The following TOM1L2 variants were observed in gnomAD, a reference collection of about 807,000 sequenced individuals.
TOM1L2 encodes target of myb1 like 2 membrane trafficking protein.
In TOM1L2, 31 loss-of-function variants were observed where a neutral mutation model predicts 67.9. That is an observed-to-expected ratio of 0.46 (90% CI 0.34 to 0.62). The LOEUF (loss-of-function observed/expected upper bound fraction) is 0.62, where lower values mean the gene tolerates loss of function less well. TOM1L2 is among the 20% of genes least tolerant of loss of function. The pLI is 0.01. For synonymous variants in TOM1L2, 256 were observed against 254.0 expected (o/e 1.01, Z -0.07); for missense variants, 606 against 663.5 (o/e 0.91, Z 0.95).
Position 17,871,460 on chromosome 17 carries a change from A to T in TOM1L2, c.778-1987T>A, listed in dbSNP as rs554698449. On this transcript the variant is annotated intron_variant, in intron 7 of 14. Transcript: ENST00000379504. Reference sequence around the variant, plus strand: ...CGAGGCAGGCGGATCACTTGAGGTCAGGAGTTTGAGACCAGCTTGGCCAAC... The same window carrying T: ...CGAGGCAGGCGGATCACTTGAGGTCTGGAGTTTGAGACCAGCTTGGCCAAC... Among the ~76,000 whole-genome samples, 26 of 152,230 alleles carry T rather than the reference A, an allele frequency of 1.7e-4. 1 individual carries two copies. The highest frequency in any genetic ancestry group is 5.9e-5 in the Non-Finnish European group (4 of 68,036).
In TOM1L2 at chr17:17,898,567, C is replaced by T. The variant is rs773005336; in HGVS notation, c.216+29G>A. The T allele has an allele frequency of 1.7e-5, 27 of 1,612,598 alleles. No individual in the cohort carries two copies. The South Asian group carries it at 2.1e-4, about 12-fold the overall frequency. On this transcript the variant is annotated intron_variant, in intron 3 of 14. Coordinates refer to ENST00000379504, the MANE Select transcript of TOM1L2 (RefSeq NM_001082968.2). ...CAGGAGCAAGGAGTTCCCCAGATGACTTCTCTCCTCAAGGAGAATAGCACT... is the reference window on the plus strand; with the variant it reads ...CAGGAGCAAGGAGTTCCCCAGATGATTTCTCTCCTCAAGGAGAATAGCACT...
intron 1 of TOM1L2, among the ~76,000 whole-genome samples, chr17:17,943,752 C>T (rs139284272): frequency 3.3e-5 from 5 of 152,326 alleles, no homozygotes; most frequent in African/African-American, 1.2e-4. Context: ...CTCCCCACTT[C>T]ACTTCAGATA....
intron 1 of TOM1L2, among the ~76,000 whole-genome samples, chr17:17,919,112 T>C (rs1237572278): frequency 6.6e-6 from 1 of 152,188 alleles, no homozygotes; most frequent in African/African-American, 2.4e-5. Flanking sequence ...GTTCTGCCAA[T>C]TACTGTGTGA....
intron 1 of TOM1L2, among the ~76,000 whole-genome samples, chr17:17,950,046 T>C (rs2041129044): frequency 1.3e-5 from 2 of 152,016 alleles, no homozygotes; most frequent in South Asian, 4.2e-4. Flanking sequence ...AATTTTTTTT[T>C]GTATTTTAGT....
intron 4 of TOM1L2, among the ~76,000 whole-genome samples, chr17:17,885,657 G>A (rs2037956092): frequency 6.6e-6 from 1 of 152,100 alleles, no homozygotes; most frequent in Admixed American, 6.5e-5. Context: ...GGGTGCGGTG[G>A]CTCATGCCTG....
chr17:17,902,537 C>T (rs756683984), intron 2 of TOM1L2, among the ~76,000 whole-genome samples: 17 of 152,260 alleles, frequency 1.1e-4, no homozygotes, highest in Non-Finnish European at 2.2e-4. Context: ...TTCCTTAACA[C>T]TGAAACAGGC....
rs1482922459 is a variant in TOM1L2, at chr17:17,910,420, A to G, written c.53-2889T>C. Among the ~76,000 whole-genome samples the G allele has an allele frequency of 1.3e-5, 2 of 152,170 alleles. 1 individual carries two copies. Among genetic ancestry groups the G allele is most frequent in the Admixed American group, 1.3e-4 (2 of 15,278 alleles). ...ACATCAGATGAATGACTGCATTAGC[A>G]ACCCTTCCTCTAAGTTATGGATCTC... On this transcript the variant is annotated intron_variant, in intron 1 of 14. Transcript: ENST00000379504.
At chr17:17,956,269 A>G (rs1195021481) in intron 1 of TOM1L2, among the ~76,000 whole-genome samples, 1 of 152,174 alleles carries the variant, frequency 6.6e-6, no homozygotes, top group Non-Finnish European at 1.5e-5. Flanking sequence ...GCTAGACACA[A>G]AGATTCTCCA....
chr17:17,920,445 A>G (rs1331214310), intron 1 of TOM1L2, among the ~76,000 whole-genome samples: 1 of 149,806 alleles, frequency 6.7e-6, no homozygotes, highest in African/African-American at 2.5e-5. Flanking sequence ...GGTTCAAGCA[A>G]TTCTCCAGCC....
In TOM1L2 at chr17:17,862,778, G is replaced by A; in HGVS notation, c.1155C>T (p.Asp385=). The A allele has an allele frequency of 6.2e-7, 1 of 1,614,118 alleles. No homozygotes were observed. ...LQQCNPRDGF[D]MFAQTRGNSL... is the part of the protein sequence containing the mutation. ...AGTTTCCTCTCGTCTGGGCAAACATGTCAAAGCCGTCACGGGGATTACATT... is the reference window on the plus strand; with the variant it reads ...AGTTTCCTCTCGTCTGGGCAAACATATCAAAGCCGTCACGGGGATTACATT... The change falls in exon 11 of 15, where the codon GAC becomes GAT. Residue 385 remains aspartate (D), a synonymous_variant. Coordinates refer to ENST00000379504, the MANE Select transcript of TOM1L2 (RefSeq NM_001082968.2).
At chr17:17,848,545 G>A (rs2035778069) in intron 14 of TOM1L2, among the ~76,000 whole-genome samples, 1 of 152,250 alleles carries the variant, frequency 6.6e-6, no homozygotes, top group Non-Finnish European at 1.5e-5. Flanking sequence ...CTGTGGGTCA[G>A]GACCAGGTGG....
intron 1 of TOM1L2, among the ~76,000 whole-genome samples, chr17:17,917,250 C>T (rs532878696): frequency 1.3e-5 from 2 of 151,942 alleles, no homozygotes; most frequent in South Asian, 2.1e-4. Flanking sequence ...GAGAATCACT[C>T]GAACCTGGGA....
intron 1 of TOM1L2, among the ~76,000 whole-genome samples, chr17:17,954,182 A>G (rs879012225): frequency 6.6e-6 from 1 of 152,266 alleles, no homozygotes; most frequent in African/African-American, 2.4e-5. Context: ...TGCAGGGCCA[A>G]AGGCCATGCT....
At position 17,956,927 on chromosome 17, in the gene TOM1L2, C is replaced by T. The variant is rs191806812; in HGVS notation, c.52+15335G>A. Among the ~76,000 whole-genome samples the T allele has an allele frequency of 1.8e-4, 28 of 152,344 alleles. No individual in the cohort carries two copies. The East Asian group carries it at 5.0e-3, about 27-fold the overall frequency. On this transcript the variant is annotated intron_variant, in intron 1 of 14. Coordinates refer to ENST00000379504, the MANE Select transcript of TOM1L2 (RefSeq NM_001082968.2). ...CCAGGGAGGGGTTCTCACAGTGCAG[C>T]GGCGGGCTGAAGGGCTCCTCAAGCA...
rs1468059771 is a variant in TOM1L2, at chr17:17,866,929, C to T, written c.912-5G>A. On this transcript the variant is annotated splice_polypyrimidine_tract_variant and splice_region_variant and intron_variant, in intron 8 of 14. Transcript: ENST00000379504. ...CCAGACCTGTATCGTTCGAACCTAA[C>T]AGGGGAAGGGAAAGCAGAAGTAAGG... is the stretch of plus-strand genomic sequence containing the variant. The T allele has an allele frequency of 1.2e-6, 2 of 1,613,940 alleles. No homozygotes were observed. Among genetic ancestry groups the T allele is most frequent in the Admixed American group, 1.7e-5 (1 of 60,010 alleles).
At chr17:17,907,287 C>CA (rs1310367324) in intron 2 of TOM1L2, among the ~76,000 whole-genome samples, 160 bp downstream of exon 2, 2 of 152,158 alleles carry the variant, frequency 1.3e-5, no homozygotes, top group African/African-American at 4.8e-5. Flanking sequence ...GGGATGAAGA[C>CA]AAAAAGGACA....
intron 1 of TOM1L2, 131 bp downstream of exon 1, chr17:17,972,131 G>A: frequency 1.7e-6 from 2 of 1,150,534 alleles, no homozygotes; most frequent in South Asian, 1.5e-5. Flanking sequence ...CGCTCGTGGA[G>A]TGGCACCCGC....
intron 1 of TOM1L2, among the ~76,000 whole-genome samples, chr17:17,921,506 G>A (rs1196789385): frequency 6.6e-6 from 1 of 152,118 alleles, no homozygotes; most frequent in African/African-American, 2.4e-5. Flanking sequence ...TGGGGGAAGA[G>A]GCCAATTTAG....
chr17:17,874,215 A>G (rs953945042), intron 7 of TOM1L2, among the ~76,000 whole-genome samples: 2 of 151,946 alleles, frequency 1.3e-5, no homozygotes, highest in Admixed American at 1.3e-4. Context: ...TAGCCTCCCA[A>G]AGTGCTGGGA....
Sources: allele counts gnomAD v4.1 joint callset (sites outside exome capture counted in the v4.1 genomes callset), GRCh38; gene constraint gnomAD v4.1.1; transcripts MANE v1.5; gene names NCBI Gene and HGNC (gene_info 2026-07-23, HGNC 2026-07-21).